CNTRL: variants seen among roughly 807,000 people sequenced by gnomAD.
The protein encoded by CNTRL is centriolin.
A neutral mutation model predicts 303.7 loss-of-function variants in CNTRL; 233 were observed. The observed-to-expected ratio is 0.77, with a 90% confidence interval of 0.69 to 0.86. The LOEUF (loss-of-function observed/expected upper bound fraction) is 0.86. CNTRL is among the 40% of genes least tolerant of loss of function. The pLI is 0.00. For missense variants in CNTRL, 2,524 were observed against 2,650.6 expected (o/e 0.95, Z 1.05); for synonymous variants, 900 against 922.2 (o/e 0.98, Z 0.44).
At chr9:121,112,236 T>A (rs2049779281) in intron 8 of CNTRL, among the ~76,000 whole-genome samples, 1 of 152,202 alleles carries the variant, frequency 6.6e-6, no homozygotes, top group Admixed American at 6.6e-5. Flanking sequence ...AAGCAGCAGA[T>A]AAACTTCAAA....
Position 121,173,664 on chromosome 9 carries a change from C to T in CNTRL, c.6685-11C>T, listed in dbSNP as rs1173496641. On this transcript the variant is annotated splice_polypyrimidine_tract_variant and intron_variant, in intron 41 of 43. Coordinates refer to ENST00000373855, the MANE Select transcript of CNTRL (RefSeq NM_007018.6). The stretch of plus-strand genomic sequence containing the variant: ...ATGATTCATGATATCTCTATTTTCC[C>T]TCTGAGAAAGGATGAACACTGGCGT... The T allele has an allele frequency of 1.2e-6, 2 of 1,613,996 alleles. No homozygotes were observed. Among genetic ancestry groups the T allele is most frequent in the African/African-American group, 2.7e-5 (2 of 75,010 alleles).
intron 39 of CNTRL, chr9:121,171,149 C>T (rs2053285342): frequency 1.9e-6 from 1 of 518,268 alleles, no homozygotes; most frequent in Non-Finnish European, 3.6e-6. Flanking sequence ...TTATTATTCT[C>T]ATTTTACAGA....
In CNTRL at chr9:121,090,323, A is replaced by G. The variant is rs1444153241; in HGVS notation, c.266A>G (p.Lys89Arg). The change falls in exon 4 of 44, where the codon AAA becomes AGA. Residue 89 changes from lysine (K) to arginine (R), a missense_variant. Transcript: ENST00000373855. ...GVRYITEALI[K>R]KLTKQDNLAL... ...AGATATATTACAGAGGCCCTCATTA[A>G]AAAACTTACTAAACAGGATAATTTG... 3 of 1,612,496 alleles carry G rather than the reference A, an allele frequency of 1.9e-6. No individual in the cohort carries two copies. The highest frequency in any genetic ancestry group is 1.7e-5 in the Admixed American group (1 of 59,902).
intron 23 of CNTRL, 30 bp from the exon 24 acceptor site, chr9:121,148,638 AATAG>A (rs760917402): frequency 6.4e-7 from 1 of 1,574,326 alleles, no homozygotes; most frequent in South Asian, 1.1e-5. Flanking sequence ...TTCCATTTAT[AATAG>A]ATAGTGTGCT....
chr9:121,143,423 A>G (rs549449234), intron 19 of CNTRL, among the ~76,000 whole-genome samples: 3 of 152,174 alleles, frequency 2.0e-5, no homozygotes, highest in Non-Finnish European at 4.4e-5. Flanking sequence ...TGAAATGTCA[A>G]GTGGCTGTAA....
chr9:121,142,912 A>T (rs1167319697), intron 19 of CNTRL, among the ~76,000 whole-genome samples: 1 of 147,292 alleles, frequency 6.8e-6, no homozygotes, highest in Non-Finnish European at 1.5e-5. Context: ...ACCAACTATA[A>T]CTTTTTTTTT....
At chr9:121,121,126 GTAT>G (rs1345212093) in intron 12 of CNTRL, among the ~76,000 whole-genome samples, 28 of 152,174 alleles carry the variant, frequency 1.8e-4, no homozygotes, top group African/African-American at 6.5e-4. Flanking sequence ...ATCAGATGAA[GTAT>G]CTTTCTGAAT....
Position 121,113,534 on chromosome 9 carries a change from C to G in CNTRL, c.1155C>G (p.Ser385Arg), listed in dbSNP as rs1463920987. 6.3e-7 allele frequency: 1 copy of G among 1,595,854 alleles called. No individual in the cohort carries two copies. Among genetic ancestry groups the G allele is most frequent in the African/African-American group, 1.4e-5 (1 of 73,850 alleles). ...AAATTGATAAAGCCCCAGATGAAAG[C>G]CCTTACATTGGCAAATCCAGATACA... ...YAEIDKAPDE[S>R]PYIGKSRYKR... is the part of the protein sequence containing the mutation. The change falls in exon 10 of 44, where the codon AGC becomes AGG. Residue 385 changes from serine to arginine, a missense_variant. Coordinates refer to ENST00000373855, the MANE Select transcript of CNTRL (RefSeq NM_007018.6).
At chr9:121,160,122 C>CTT in intron 31 of CNTRL, 21 bp from the exon 32 acceptor site, 35 of 1,134,220 alleles carry the variant, frequency 3.1e-5, no homozygotes, top group South Asian at 1.6e-4. Flanking sequence ...GAGGGAATAA[C>CTT]TTTTTTTTTT....
At chr9:121,127,308 A>G (rs1369914867) in intron 14 of CNTRL, among the ~76,000 whole-genome samples, 1 of 152,176 alleles carries the variant, frequency 6.6e-6, no homozygotes, top group Non-Finnish European at 1.5e-5. Flanking sequence ...ATTCCTGCAC[A>G]CATCTTGAAC....
intron 4 of CNTRL, among the ~76,000 whole-genome samples, chr9:121,093,657 T>C (rs1176386645): frequency 6.6e-6 from 1 of 152,222 alleles, no homozygotes; most frequent in African/African-American, 2.4e-5. Context: ...GTGATTTATA[T>C]AGAAGAAATC....
intron 1 of CNTRL, among the ~76,000 whole-genome samples, chr9:121,077,985 T>C (rs2047995256): frequency 6.6e-6 from 1 of 151,974 alleles, no homozygotes; most frequent in African/African-American, 2.4e-5. Flanking sequence ...ATACATACTA[T>C]AATAAATGTC....
chr9:121,132,051 G>C (rs1042297429), intron 14 of CNTRL, among the ~76,000 whole-genome samples: 1 of 152,132 alleles, frequency 6.6e-6, no homozygotes, highest in Admixed American at 6.5e-5. Context: ...TTTCTCTCTG[G>C]CTGCCCTTAC....
intron 32 of CNTRL, chr9:121,161,271 T>G (rs1220203149): frequency 6.7e-6 from 3 of 448,294 alleles, no homozygotes; most frequent in Non-Finnish European, 1.2e-5. Flanking sequence ...GCTTTTTTTT[T>G]GTATTTTCCA....
intron 20 of CNTRL, among the ~76,000 whole-genome samples, chr9:121,144,598 G>A (rs562437141): frequency 3.7e-4 from 56 of 152,314 alleles, no homozygotes; most frequent in Non-Finnish European, 6.3e-4. Context: ...ATGGAAGACG[G>A]TAGTAAAAGT....
chr9:121,154,829 T>C lies in CNTRL; in HGVS notation c.4281T>C (p.Thr1427=). The C allele has an allele frequency of 6.2e-7, 1 of 1,614,144 alleles. No homozygotes were observed. The highest frequency in any genetic ancestry group is 8.5e-7 in the Non-Finnish European group (1 of 1,179,972). ...IVDEIECIEK[T]LLKRRSELRE... ...ATGAAATTGAGTGCATTGAGAAGACTCTTCTGAAACGTCGCTCAGAGCTCA... is the reference window on the plus strand; with the variant it reads ...ATGAAATTGAGTGCATTGAGAAGACCCTTCTGAAACGTCGCTCAGAGCTCA... Residue 1427 remains threonine (T), a synonymous_variant, in exon 27 of 44, where the codon ACT becomes ACC. Transcript: ENST00000373855.
At chr9:121,123,804 C>T in intron 12 of CNTRL, 127 bp from the exon 13 acceptor site, 1 of 674,446 alleles carries the variant, frequency 1.5e-6, no homozygotes, top group Non-Finnish European at 2.2e-6. Flanking sequence ...AATATAGGGC[C>T]TGACACAAAT....
chr9:121,125,458 C>T (rs879572676), intron 13 of CNTRL, among the ~76,000 whole-genome samples: 22 of 152,194 alleles, frequency 1.4e-4, no homozygotes, highest in Middle Eastern at 3.4e-3. Context: ...CACACCCGGC[C>T]GAAATTAAAC....
chr9:121,122,150 G>A (rs1276018856), intron 12 of CNTRL, among the ~76,000 whole-genome samples: 1 of 152,140 alleles, frequency 6.6e-6, no homozygotes. Context: ...GGTTTTGGTG[G>A]AATTTTTAAT....
Sources: gnomAD v4.1 joint callset for allele counts (sites outside exome capture counted in the v4.1 genomes callset) on GRCh38, gnomAD v4.1.1 for gene constraint, MANE v1.5 for transcripts, NCBI Gene and HGNC (gene_info 2026-07-23, HGNC 2026-07-21) for gene names.